ATM: variants seen among roughly 807,000 people sequenced by gnomAD.
ATM encodes serine-protein kinase ATM.
A neutral mutation model predicts 387.0 loss-of-function variants in ATM; 308 were observed. The observed-to-expected ratio is 0.80, with a 90% confidence interval of 0.73 to 0.87. ATM has a LOEUF of 0.87. Among genes scored for constraint, ATM ranks in the 40% least tolerant of loss-of-function variants. The pLI is 0.00. For synonymous variants in ATM, 1,156 were observed against 1,187.3 expected (o/e 0.97, Z 0.54); for missense variants, 3,312 against 3,560.9 (o/e 0.93, Z 1.78).
intron 5 of ATM, among the ~76,000 whole-genome samples, chr11:108,242,663 C>G (rs2079621807): frequency 6.6e-6 from 1 of 152,034 alleles, no homozygotes. Context: ...TGATGGCTTC[C>G]TCTAAAACAG....
chr11:108,313,457 C>A (rs1000220936), intron 40 of ATM, among the ~76,000 whole-genome samples: 6 of 152,198 alleles, frequency 3.9e-5, no homozygotes, highest in Admixed American at 6.5e-5. Flanking sequence ...TTGCTAATGT[C>A]TCTCATAAAC....
chr11:108,337,880 A>G (rs1055762996), intron 56 of ATM, among the ~76,000 whole-genome samples: 1 of 152,248 alleles, frequency 6.6e-6, no homozygotes, highest in African/African-American at 2.4e-5. Flanking sequence ...AGTAGCTAAG[A>G]TTTCCAAGCA....
intron 9 of ATM, among the ~76,000 whole-genome samples, chr11:108,249,595 G>T (rs4987940): frequency 6.6e-6 from 1 of 152,012 alleles, no homozygotes; most frequent in Non-Finnish European, 1.5e-5. Context: ...ATAAATTATG[G>T]ATACTTTGGA....
rs2091425299 is a variant in ATM, at chr11:108,368,087, A to T, written c.*2579A>T. The T allele has an allele frequency of 4.8e-6, 1 of 208,448 alleles. No individual in the cohort carries two copies. The highest frequency in any genetic ancestry group is 2.3e-5 in the African/African-American group (1 of 44,080). The allele number at this position is 208,448 out of a possible 1,614,324, so 12.9% of individuals were successfully genotyped here. A position where few individuals can be genotyped will look rare whatever the true frequency, so the allele number is the denominator to read the frequency against. On this transcript the variant is annotated 3_prime_UTR_variant, in exon 63 of 63. Coordinates refer to ENST00000675843, the MANE Select transcript of ATM (RefSeq NM_000051.4). ...ACTCTTTAGCCTTGCATGGTATGCT[A>T]TGAGGCTCCTGTTCTGTTCAAGTAT... is the stretch of plus-strand genomic sequence containing the variant.
Position 108,301,762 on chromosome 11 carries a change from A to G in ATM, c.5292A>G (p.Leu1764=), listed in dbSNP as rs786201703. The G allele has an allele frequency of 1.3e-5, 21 of 1,613,728 alleles. No individual in the cohort carries two copies. The highest frequency in any genetic ancestry group is 1.8e-5 in the Non-Finnish European group (21 of 1,179,750). Residue 1764 remains leucine (L), a synonymous_variant, in exon 35 of 63, where the codon CTA becomes CTG. Coordinates refer to ENST00000675843, the MANE Select transcript of ATM (RefSeq NM_000051.4). ...CAACAGATCCAATGCTGGCCTATCT[A>G]CAGCCTTTTAGAACATCAAGAAAAA... is the stretch of plus-strand genomic sequence containing the variant. ...KMTTDPMLAY[L]QPFRTSRKKF... is the part of the protein sequence containing the mutation.
At chr11:108,299,452 C>T (rs1180230056) in intron 33 of ATM, 1 of 362,010 alleles carries the variant, frequency 2.8e-6, no homozygotes, top group Non-Finnish European at 5.3e-6. Context: ...CCTGCGCCAC[C>T]ACGCCTGGCT....
chr11:108,331,963 C>T lies in ATM; in HGVS notation c.7714C>T (p.Leu2572=), dbSNP rs1472587727. Residue 2572 remains leucine, a synonymous_variant, in exon 52 of 63, where the codon CTG becomes TTG. Coordinates refer to ENST00000675843, the MANE Select transcript of ATM (RefSeq NM_000051.4). The stretch of plus-strand genomic sequence containing the variant: ...AGCAAATGCAAACAGAGATGAATTT[C>T]TGACTAAACCAGAGGTAGCCAGAAG... The part of the protein sequence containing the change: ...ALANANRDEF[L]TKPEVARRSR... The T allele has an allele frequency of 1.2e-6, 2 of 1,614,060 alleles. No individual in the cohort carries two copies. Among genetic ancestry groups the T allele is most frequent in the Non-Finnish European group, 1.7e-6 (2 of 1,179,994 alleles).
rs864622290 is a variant in ATM, at chr11:108,294,951, AGT to A, written c.4804_4805del (p.Val1602LeufsTer2). ...LEEINHFLSV[S>X]VYDALPLTRL... is the part of the protein sequence containing the mutation. ...GGAAATTAACCATTTTCTCTCAGTA[AGT>A]GTTTATGATGCACTTCCATTGACAA... On this transcript the variant is annotated frameshift_variant, in exon 32 of 63. Transcript: ENST00000675843. LOFTEE classifies it high-confidence loss of function. 5 of 1,613,710 alleles carry A rather than the reference AGT, an allele frequency of 3.1e-6. No individual in the cohort carries two copies. In the African/African-American group the frequency reaches 5.3e-5, roughly 17 times the overall value.
intron 43 of ATM, among the ~76,000 whole-genome samples, chr11:108,318,252 C>T (rs930516434): frequency 1.8e-4 from 28 of 152,054 alleles, no homozygotes; most frequent in Non-Finnish European, 3.8e-4. Flanking sequence ...GTCCCAGCTA[C>T]TTGGGAGCCT....
intron 56 of ATM, among the ~76,000 whole-genome samples, chr11:108,337,141 TA>T (rs1481363893): frequency 2.0e-5 from 3 of 152,176 alleles, no homozygotes; most frequent in Non-Finnish European, 4.4e-5. Context: ...TAGGCTATTG[TA>T]ATAAAAAGCA....
intron 45 of ATM, among the ~76,000 whole-genome samples, chr11:108,324,041 A>G (rs1404163701): frequency 9.6e-6 from 1 of 104,452 alleles, no homozygotes; most frequent in Non-Finnish European, 1.9e-5. Flanking sequence ...AACCAACCGC[A>G]GATCAAAAAT....
At chr11:108,359,234 A>T (rs2090412894) in intron 61 of ATM, among the ~76,000 whole-genome samples, 6 of 151,676 alleles carry the variant, frequency 4.0e-5, no homozygotes, top group Admixed American at 3.9e-4. Context: ...TCAATTCAAC[A>T]AGAAGAGCTA....
At chr11:108,259,533 ATT>A (rs2080733373) in intron 16 of ATM, among the ~76,000 whole-genome samples, 1 of 152,164 alleles carries the variant, frequency 6.6e-6, no homozygotes, top group Non-Finnish European at 1.5e-5. Context: ...AAATTAAATA[ATT>A]TGTCTTGTGG....
rs1379361936 is a variant in ATM, at chr11:108,289,661, T to C, written c.4296T>C (p.Val1432=). 1 of 1,612,658 alleles carries C rather than the reference T, an allele frequency of 6.2e-7. No individual in the cohort carries two copies. The highest frequency in any genetic ancestry group is 1.3e-5 in the African/African-American group (1 of 74,836). Reference sequence around the variant, plus strand: ...AGCAAGCAGCTGAAACAAATAATGTTTATAAGAAGCACAGAATTCTTAAAA... The same window carrying C: ...AGCAAGCAGCTGAAACAAATAATGTCTATAAGAAGCACAGAATTCTTAAAA... ...ICEQAAETNN[V]YKKHRILKIY... Residue 1432 remains valine, a synonymous_variant, in exon 29 of 63, where the codon GTT becomes GTC. Coordinates refer to ENST00000675843, the MANE Select transcript of ATM (RefSeq NM_000051.4).
intron 61 of ATM, among the ~76,000 whole-genome samples, chr11:108,356,952 C>A (rs546363283): frequency 1.3e-5 from 2 of 152,142 alleles, no homozygotes; most frequent in Admixed American, 6.6e-5. Context: ...CCAAGATGGC[C>A]GAATAGGAAC....
chr11:108,335,979 TGTTA>T lies in ATM; in HGVS notation c.8268+22_8268+25del, dbSNP rs746285826. 8.9e-6 allele frequency: 14 copies of T among 1,568,082 alleles called. No homozygotes were observed. In the South Asian group the frequency reaches 1.6e-4, roughly 17 times the overall value. ...CTTATAAGGTAACTATTTGTACTTCTGTTAGTTCACCAAAAACATATAAAAGATG... is the reference window on the plus strand; with the variant it reads ...CTTATAAGGTAACTATTTGTACTTCTGTTCACCAAAAACATATAAAAGATG... On this transcript the variant is annotated intron_variant, in intron 56 of 62. Transcript: ENST00000675843.
intron 55 of ATM, 81 bp downstream of exon 55, chr11:108,335,190 T>A (rs2136671398): frequency 6.2e-7 from 1 of 1,602,606 alleles, no homozygotes; most frequent in Non-Finnish European, 8.5e-7. Flanking sequence ...CTGCTTTATT[T>A]GGGATTTTGT....
Position 108,244,902 on chromosome 11 carries a change from T to A in ATM, c.777T>A (p.Leu259=). The change falls in exon 7 of 63, where the codon CTT becomes CTA. Residue 259 remains leucine, a synonymous_variant. Transcript: ENST00000675843. The part of the protein sequence containing the change: ...IRVCELGDEI[L]PTLLYIWTQH... ...TGTGTGAATTAGGAGATGAAATTCTTCCCACTTTGCTTTATATTTGGACTC... is the reference window on the plus strand; with the variant it reads ...TGTGTGAATTAGGAGATGAAATTCTACCCACTTTGCTTTATATTTGGACTC... 6.2e-7 allele frequency: 1 copy of A among 1,613,824 alleles called. No individual in the cohort carries two copies. The highest frequency in any genetic ancestry group is 2.2e-5 in the East Asian group (1 of 44,830).
intron 56 of ATM, among the ~76,000 whole-genome samples, chr11:108,339,644 C>G (rs1410021396): frequency 6.6e-6 from 1 of 152,126 alleles, no homozygotes; most frequent in Non-Finnish European, 1.5e-5. Flanking sequence ...TCTCCAACAA[C>G]CAACATCACA....
Sources: gnomAD v4.1 joint callset for allele counts (sites outside exome capture counted in the v4.1 genomes callset) on GRCh38, gnomAD v4.1.1 for gene constraint, MANE v1.5 for transcripts, NCBI Gene and HGNC (gene_info 2026-07-23, HGNC 2026-07-21) for gene names.